The following ACACA variants were observed in gnomAD, a reference collection of about 807,000 sequenced individuals.
The protein encoded by ACACA is acetyl-CoA carboxylase 1.
ACACA carries 103 observed loss-of-function variants against 296.1 expected under a neutral mutation model. The observed-to-expected ratio is 0.35, with a 90% confidence interval of 0.30 to 0.41. The LOEUF (loss-of-function observed/expected upper bound fraction) is 0.41. ACACA is among the 10% of genes least tolerant of loss of function. ACACA has a pLI of 1.00. For missense variants in ACACA, 1,554 were observed against 2,989.7 expected (o/e 0.52, Z 11.20); for synonymous variants, 953 against 1,038.6 (o/e 0.92, Z 1.58).
At chr17:37,344,403 C>A (rs2048522321) in intron 1 of ACACA, among the ~76,000 whole-genome samples, 1 of 151,316 alleles carries the variant, frequency 6.6e-6, no homozygotes, top group Non-Finnish European at 1.5e-5. Context: ...ACTAAAAACA[C>A]AAAAATTAGC....
Position 37,259,525 on chromosome 17 carries a change from C to A in ACACA, c.1335G>T (p.Ala445=). Residue 445 remains alanine (A), a synonymous_variant, in exon 12 of 56, where the codon GCG becomes GCT. Coordinates refer to ENST00000616317, the MANE Select transcript of ACACA (RefSeq NM_198834.3). ...PAVFEHMEQC[A]VKLAKMVGYV... The stretch of plus-strand genomic sequence containing the variant: ...AACCCACCATTTTGGCAAGTTTCAC[C>A]GCACACTCAAAGAAGAGAGATAAGC... 1 of 1,614,152 alleles carries A rather than the reference C, an allele frequency of 6.2e-7. No individual in the cohort carries two copies. The highest frequency in any genetic ancestry group is 1.1e-5 in the South Asian group (1 of 91,086).
intron 48 of ACACA, chr17:37,122,883 C>T (rs1567687650): frequency 3.5e-6 from 2 of 567,752 alleles, no homozygotes; most frequent in Non-Finnish European, 3.2e-6. Flanking sequence ...AAACCAAGGG[C>T]TGTTCTAGGG....
chr17:37,122,255 C>T (rs1368620856), intron 49 of ACACA, among the ~76,000 whole-genome samples: 1 of 152,188 alleles, frequency 6.6e-6, no homozygotes, highest in Non-Finnish European at 1.5e-5. Context: ...ATTATCTCAG[C>T]TACCTTTCTG....
intron 45 of ACACA, among the ~76,000 whole-genome samples, chr17:37,131,081 T>C (rs1182034532): frequency 2.0e-5 from 3 of 152,018 alleles, no homozygotes; most frequent in Admixed American, 6.6e-5. Context: ...CTTTGTGTGC[T>C]GGGTGCAGGG....
intron 15 of ACACA, 140 bp downstream of exon 15, chr17:37,252,746 T>G: frequency 6.2e-6 from 7 of 1,128,886 alleles, no homozygotes; most frequent in Middle Eastern, 2.7e-4. Context: ...AGTGCTAAAA[T>G]TACACTGACT....
At chr17:37,171,387 T>A (rs925390219) in intron 41 of ACACA, among the ~76,000 whole-genome samples, 1 of 152,182 alleles carries the variant, frequency 6.6e-6, no homozygotes, top group African/African-American at 2.4e-5. Context: ...TAACAAAATG[T>A]TACCTCTTTC....
intron 39 of ACACA, among the ~76,000 whole-genome samples, chr17:37,184,910 C>T (rs555970997): frequency 6.7e-6 from 1 of 149,526 alleles, no homozygotes; most frequent in East Asian, 1.9e-4. Context: ...GGAACATACA[C>T]ATAATCTATG....
At chr17:37,207,597 A>AC (rs2078564672) in intron 31 of ACACA, 60 bp downstream of exon 31, 3 of 1,600,016 alleles carry the variant, frequency 1.9e-6, no homozygotes, top group Non-Finnish European at 2.6e-6. Context: ...GAAAGATGAG[A>AC]CCCCAAAACA....
intron 1 of ACACA, among the ~76,000 whole-genome samples, chr17:37,343,764 A>G: frequency 8.1e-6 from 1 of 123,358 alleles, no homozygotes; most frequent in Non-Finnish European, 1.7e-5. Context: ...ACTCTGTCTC[A>G]AAAAAAAAAA....
chr17:37,202,668 C>CATATAT (rs1179497445), intron 33 of ACACA, among the ~76,000 whole-genome samples: 141 of 70,642 alleles, frequency 2.0e-3, no homozygotes, highest in Non-Finnish European at 2.3e-3. Flanking sequence ...CCTTTTCTTT[C>CATATAT]ATATATATAT....
chr17:37,250,378 G>A lies in ACACA; in HGVS notation c.2081+1627C>T, dbSNP rs143172938. 8.0e-3 allele frequency among the ~76,000 whole-genome samples: 1,222 copies of A among 152,268 alleles called. 15 individuals carry two copies. Among genetic ancestry groups the A allele is most frequent in the African/African-American group, 0.026 (1,090 of 41,548 alleles). On this transcript the variant is annotated intron_variant, in intron 16 of 55. Transcript: ENST00000616317. ...ATTAAGGTTGGGCGCAGTGGCTCAC[G>A]CCTCTAATTCCAGCTATTTGGGAGG...
intron 5 of ACACA, 66 bp downstream of exon 5, chr17:37,283,201 C>T: frequency 6.3e-7 from 1 of 1,594,560 alleles, no homozygotes; most frequent in South Asian, 1.1e-5. Context: ...CATTCTCCTA[C>T]TTAAAGGCTG....
intron 3 of ACACA, among the ~76,000 whole-genome samples, chr17:37,288,743 C>A (rs900185915): frequency 1.3e-5 from 2 of 151,756 alleles, no homozygotes; most frequent in Non-Finnish European, 2.9e-5. Flanking sequence ...ACAAAAAAAT[C>A]AAAAAATTAG....
At chr17:37,183,915 C>T (rs1403700951) in intron 39 of ACACA, among the ~76,000 whole-genome samples, 23 of 132,842 alleles carry the variant, frequency 1.7e-4, no homozygotes, top group Non-Finnish European at 3.2e-4. Context: ...TGCAATGGTG[C>T]GATCTCGGCT....
rs1394631134 is a variant in ACACA at position 37,332,334 on chromosome 17, AC to A, written c.86-1910del. 5.9e-5 allele frequency among the ~76,000 whole-genome samples: 9 copies of A among 151,728 alleles called. No individual in the cohort carries two copies. In the East Asian group the frequency reaches 1.3e-3, roughly 23 times the overall value. On this transcript the variant is annotated intron_variant, in intron 2 of 55. Coordinates refer to ENST00000616317, the MANE Select transcript of ACACA (RefSeq NM_198834.3). ...AAAAATTTAAAAATATTTTTTAAAA[AC>A]CAAAATAAGAGCCCACAACAATAAA... is the stretch of plus-strand genomic sequence containing the variant.
intron 1 of ACACA, among the ~76,000 whole-genome samples, chr17:37,372,702 C>T (rs2049852914): frequency 1.3e-5 from 2 of 152,088 alleles, no homozygotes; most frequent in Admixed American, 6.6e-5. Flanking sequence ...TCATAAAACT[C>T]ATAACTTTTT....
At chr17:37,225,811 A>T (rs1472851223) in intron 26 of ACACA, among the ~76,000 whole-genome samples, 1 of 152,232 alleles carries the variant, frequency 6.6e-6, no homozygotes, top group African/African-American at 2.4e-5. Flanking sequence ...ACACAAAGGG[A>T]GTGCCAACTC....
chr17:37,291,935 A>C (rs1274551945), intron 3 of ACACA, among the ~76,000 whole-genome samples: 1 of 152,066 alleles, frequency 6.6e-6, no homozygotes, highest in African/African-American at 2.4e-5. Flanking sequence ...TTTTTCATTG[A>C]AACTGTAAAA....
rs1392556271 is a variant in ACACA, at chr17:37,191,332, T to C, written c.4417-57A>G. 6.6e-6 allele frequency: 10 copies of C among 1,519,832 alleles called. No individual in the cohort carries two copies. The Admixed American group carries it at 1.6e-4, about 24-fold the overall frequency. 94.1% of individuals were successfully genotyped at this position (1,519,832 alleles called of 1,614,324 possible). ...TAGTTTAAAAGAGGCAATAAAGAAATGGCTATTATAATCACTTAAGCAGCA... is the reference window on the plus strand; with the variant it reads ...TAGTTTAAAAGAGGCAATAAAGAAACGGCTATTATAATCACTTAAGCAGCA... On this transcript the variant is annotated intron_variant, in intron 37 of 55. Transcript: ENST00000616317.
Sources: gnomAD v4.1 joint callset for allele counts (sites outside exome capture counted in the v4.1 genomes callset) on GRCh38, gnomAD v4.1.1 for gene constraint, MANE v1.5 for transcripts, NCBI Gene and HGNC (gene_info 2026-07-23, HGNC 2026-07-21) for gene names.